Variants in MAPKAP1 observed in about 807,000 individuals in gnomAD.
MAPKAP1 encodes target of rapamycin complex 2 subunit MAPKAP1.
In MAPKAP1, 20 loss-of-function variants were observed where a neutral mutation model predicts 65.7. That is an observed-to-expected ratio of 0.30 (90% CI 0.21 to 0.44). The LOEUF is 0.44. Ranked by LOEUF, MAPKAP1 falls within the 20% of genes least tolerant of loss-of-function variation. The pLI, the probability that MAPKAP1 is intolerant of heterozygous loss-of-function variation, is 1.00. For synonymous variants in MAPKAP1, 222 were observed against 244.3 expected (o/e 0.91, Z 0.85); for missense variants, 423 against 648.0 (o/e 0.65, Z 3.77).
At chr9:125,459,783 T>G (rs1853395356) in intron 10 of MAPKAP1, among the ~76,000 whole-genome samples, 1 of 112,386 alleles carries the variant, frequency 8.9e-6, no homozygotes, top group Non-Finnish European at 2.0e-5. Context: ...CAGCTTCGGC[T>G]CGGCATCAGA....
chr9:125,649,641 A>G (rs1173183568), intron 4 of MAPKAP1, among the ~76,000 whole-genome samples: 1 of 151,952 alleles, frequency 6.6e-6, no homozygotes, highest in African/African-American at 2.4e-5. Flanking sequence ...TCTCACCTCA[A>G]AAAGCACTGC....
chr9:125,700,626 T>C (rs533733965), intron 1 of MAPKAP1, among the ~76,000 whole-genome samples: 151 of 152,368 alleles, frequency 9.9e-4, no homozygotes, highest in Middle Eastern at 3.4e-3. Context: ...CCAAATTTTG[T>C]GTTGCCTATA....
At chr9:125,671,494 T>C (rs1019996480) in intron 2 of MAPKAP1, among the ~76,000 whole-genome samples, 1 of 152,152 alleles carries the variant, frequency 6.6e-6, no homozygotes, top group Non-Finnish European at 1.5e-5. Context: ...TACTGCTAAT[T>C]TGAAGATTAT....
chr9:125,590,144 C>G (rs1381835938), intron 4 of MAPKAP1, among the ~76,000 whole-genome samples: 1 of 152,176 alleles, frequency 6.6e-6, no homozygotes, highest in Non-Finnish European at 1.5e-5. Flanking sequence ...CTATAGGATT[C>G]ACAGTCTCTC....
At position 125,438,447 on chromosome 9, in the gene MAPKAP1, G is replaced by A. The variant is rs77420220; in HGVS notation, c.*440C>T. 1.5e-3 allele frequency: 594 copies of A among 399,890 alleles called. 8 individuals carry two copies. In the East Asian group the frequency reaches 0.021, roughly 14 times the overall value. 24.8% of individuals were successfully genotyped at this position (399,890 alleles called of 1,614,324 possible). On this transcript the variant is annotated 3_prime_UTR_variant, in exon 12 of 12. Transcript: ENST00000265960. ...AACATAATCAATCCTCCGCCCCAAA[G>A]AATGGTCCATCATACCAACCATGAT...
chr9:125,617,431 A>C (rs560811008), intron 4 of MAPKAP1, among the ~76,000 whole-genome samples: 1 of 152,338 alleles, frequency 6.6e-6, no homozygotes, highest in East Asian at 1.9e-4. Flanking sequence ...ACTGCACTCC[A>C]GCCTGGGCAA....
intron 1 of MAPKAP1, among the ~76,000 whole-genome samples, chr9:125,693,738 C>CACATATATAT (rs1835285016): frequency 2.0e-5 from 3 of 147,524 alleles, no homozygotes; most frequent in African/African-American, 7.8e-5. Context: ...CACATATATA[C>CACATATATAT]ACGTATATAT....
chr9:125,542,955 A>T (rs1830297198), intron 7 of MAPKAP1, 104 bp downstream of exon 7: 1 of 842,890 alleles, frequency 1.2e-6, no homozygotes, highest in East Asian at 2.4e-5. Flanking sequence ...TCTAGCAATG[A>T]CATCTGAAAG....
rs757345557 is a variant in MAPKAP1, at chr9:125,484,629, G to C, written c.1067-46C>G. 5.8e-6 allele frequency: 9 copies of C among 1,545,574 alleles called. No homozygotes were observed. In the African/African-American group the frequency reaches 1.2e-4, roughly 21 times the overall value. ...TAACACATAAAGATACATGAGGCTT[G>C]GCAAATGGTGTCTGCTTAAAATGCT... On this transcript the variant is annotated intron_variant, in intron 8 of 11. Transcript: ENST00000265960.
intron 1 of MAPKAP1, among the ~76,000 whole-genome samples, chr9:125,691,568 T>G (rs74574862): frequency 6.6e-6 from 1 of 151,954 alleles, no homozygotes; most frequent in South Asian, 2.1e-4. Flanking sequence ...GGTAAATCCA[T>G]AGATGTGAAT....
chr9:125,672,918 G>A (rs978128664), intron 1 of MAPKAP1, among the ~76,000 whole-genome samples: 1 of 152,188 alleles, frequency 6.6e-6, no homozygotes, highest in Non-Finnish European at 1.5e-5. Context: ...CAGGCCACTC[G>A]AAGCACATAA....
intron 7 of MAPKAP1, chr9:125,513,015 G>C (rs1829351267): frequency 6.6e-6 from 1 of 152,284 alleles, no homozygotes; most frequent in South Asian, 2.1e-4. Flanking sequence ...ACATGGGCCG[G>C]TTTACCCCTC....
chr9:125,706,360 G>T (rs958181677), intron 1 of MAPKAP1, among the ~76,000 whole-genome samples: 1 of 152,056 alleles, frequency 6.6e-6, no homozygotes, highest in South Asian at 2.1e-4. Flanking sequence ...AGGTACTGTG[G>T]TGGGCTTCCA....
At chr9:125,681,971 A>G (rs1317787029) in intron 1 of MAPKAP1, among the ~76,000 whole-genome samples, 1 of 152,162 alleles carries the variant, frequency 6.6e-6, no homozygotes, top group Non-Finnish European at 1.5e-5. Flanking sequence ...CATCTTCCCC[A>G]GGCTAGTCTC....
At chr9:125,450,696 T>C (rs1164817466) in intron 10 of MAPKAP1, among the ~76,000 whole-genome samples, 2 of 152,240 alleles carry the variant, frequency 1.3e-5, no homozygotes, top group Admixed American at 6.5e-5. Flanking sequence ...AAACTCAGTT[T>C]CCAAGGTCTG....
intron 7 of MAPKAP1, among the ~76,000 whole-genome samples, chr9:125,509,184 C>A (rs905032615): frequency 5.3e-5 from 8 of 151,954 alleles, no homozygotes; most frequent in Non-Finnish European, 1.2e-4. Flanking sequence ...ACCCAAATAC[C>A]CTGACTTGAT....
rs563180382 is a variant in MAPKAP1, at chr9:125,652,743, C to T, written c.498+4908G>A. On this transcript the variant is annotated intron_variant, in intron 4 of 11. Transcript: ENST00000265960. ...TCACCAATATTGAACCATTTTCTCA[C>T]CAAAAGTTTAAAAAAAATAGCCAAT... Among the ~76,000 whole-genome samples the T allele has an allele frequency of 3.3e-5, 5 of 152,166 alleles. No individual in the cohort carries two copies. In the East Asian group the frequency reaches 9.6e-4, roughly 29 times the overall value.
chr9:125,575,721 T>G (rs1027720881), intron 5 of MAPKAP1, among the ~76,000 whole-genome samples: 3 of 152,130 alleles, frequency 2.0e-5, no homozygotes, highest in African/African-American at 7.2e-5. Flanking sequence ...TGGTGAGGAT[T>G]TGGAGCAACA....
intron 7 of MAPKAP1, among the ~76,000 whole-genome samples, chr9:125,513,922 C>G (rs540913699): frequency 6.6e-6 from 1 of 152,316 alleles, no homozygotes; most frequent in African/African-American, 2.4e-5. Flanking sequence ...ACTTGCTCAG[C>G]AGCCAGGATT....
Sources: gnomAD v4.1 joint callset for allele counts (sites outside exome capture counted in the v4.1 genomes callset) on GRCh38, gnomAD v4.1.1 for gene constraint, MANE v1.5 for transcripts, NCBI Gene and HGNC (gene_info 2026-07-23, HGNC 2026-07-21) for gene names.